The following PHACTR3 variants were observed in gnomAD, a reference collection of about 807,000 sequenced individuals.
PHACTR3 encodes the protein phosphatase and actin regulator 3.
A neutral mutation model predicts 66.8 loss-of-function variants in PHACTR3; 16 were observed. The observed-to-expected ratio is 0.24, with a 90% confidence interval of 0.16 to 0.36. The LOEUF is 0.36. PHACTR3 is among the 10% of genes least tolerant of loss of function. The pLI is 1.00. For synonymous variants in PHACTR3, 323 were observed against 292.1 expected (o/e 1.11, Z -1.08); for missense variants, 647 against 719.9 (o/e 0.90, Z 1.16).
chr20:59,623,029 C>T (rs530141131), intron 1 of PHACTR3, among the ~76,000 whole-genome samples: 1 of 90,940 alleles, frequency 1.1e-5, no homozygotes, highest in South Asian at 3.7e-4. Flanking sequence ...CACTCAGAAC[C>T]ATGGTTCCTG....
rs1192364212 is a variant in PHACTR3, at chr20:59,678,819, ACTC to A, written c.119-64279_119-64277del. ...GGCTGGGAGCACCTGGAGGGTAGGC[ACTC>A]CTCCTCCTTCTGCCGGACCAGAAGG... On this transcript the variant is annotated intron_variant, in intron 1 of 12. Coordinates refer to ENST00000371015, the MANE Select transcript of PHACTR3 (RefSeq NM_080672.5). Among the ~76,000 whole-genome samples the A allele has an allele frequency of 1.6e-4, 25 of 151,976 alleles. No homozygotes were observed. In the East Asian group the frequency reaches 4.6e-3, roughly 28 times the overall value.
At chr20:59,728,615 C>T (rs1436560092) in intron 1 of PHACTR3, among the ~76,000 whole-genome samples, 5 of 151,938 alleles carry the variant, frequency 3.3e-5, no homozygotes, top group African/African-American at 9.7e-5. Flanking sequence ...TTGATTTTTT[C>T]AAAAGTGACC....
At chr20:59,611,901 CTGA>C (rs2033862707) in intron 1 of PHACTR3, among the ~76,000 whole-genome samples, 3 of 152,190 alleles carry the variant, frequency 2.0e-5, no homozygotes, top group Non-Finnish European at 4.4e-5. Context: ...TTGTTTTACT[CTGA>C]TGAGTTTGTT....
chr20:59,676,490 T>C (rs1177588692), intron 1 of PHACTR3, among the ~76,000 whole-genome samples: 2 of 139,922 alleles, frequency 1.4e-5, no homozygotes, highest in African/African-American at 2.6e-5. Flanking sequence ...TCCTGCAACA[T>C]CTATATTTAA....
At chr20:59,644,742 C>T (rs1427020534) in intron 1 of PHACTR3, among the ~76,000 whole-genome samples, 1 of 152,234 alleles carries the variant, frequency 6.6e-6, no homozygotes. Flanking sequence ...CTCCCTGCAC[C>T]AGCCTGGTGG....
chr20:59,635,131 CTTT>C (rs2034811671), intron 1 of PHACTR3, among the ~76,000 whole-genome samples: 2 of 70,194 alleles, frequency 2.8e-5, no homozygotes, highest in Non-Finnish European at 5.6e-5. Flanking sequence ...TTCTTTCTTT[CTTT>C]CTTTCTTTCT....
At chr20:59,737,502 C>CTGTGTGCGTGCATGTGTGCGTGTATG (rs1280770121) in intron 1 of PHACTR3, among the ~76,000 whole-genome samples, 6 of 147,674 alleles carry the variant, frequency 4.1e-5, no homozygotes, top group African/African-American at 1.5e-4. Context: ...GTGTGTGTGT[C>CTGTGTGCGTGCATGTGTGCGTGTATG]TGTGTGCGTG....
chr20:59,791,771 G>A (rs1568826779), intron 7 of PHACTR3, among the ~76,000 whole-genome samples: 4 of 135,316 alleles, frequency 3.0e-5, no homozygotes, highest in Non-Finnish European at 6.1e-5. Flanking sequence ...GGTGTGTGAT[G>A]GTCCTGTTCC....
At chr20:59,774,150 C>T in intron 6 of PHACTR3, 93 bp from the exon 7 acceptor site, 1 of 1,476,876 alleles carries the variant, frequency 6.8e-7, no homozygotes, top group Non-Finnish European at 9.0e-7. Context: ...TTGGGGCTGC[C>T]TCTGTGATAT....
intron 1 of PHACTR3, chr20:59,628,653 C>T: frequency 3.0e-6 from 3 of 985,396 alleles, no homozygotes; most frequent in Non-Finnish European, 3.6e-6. Context: ...TCAGTTCATT[C>T]TCCTGACTCC....
At position 59,782,284 on chromosome 20, in the gene PHACTR3, C is replaced by T. The variant is rs144076920; in HGVS notation, c.1174+7794C>T. Among the ~76,000 whole-genome samples the T allele has an allele frequency of 7.0e-3, 1,061 of 152,154 alleles. 18 individuals are homozygous for T. Among genetic ancestry groups the T allele is most frequent in the African/African-American group, 0.024 (1,014 of 41,438 alleles). ...TTGTTTTTTCTAAGACAGAGTCTTG[C>T]TCTGTTGCCCAGGCTGGAGTATCGT... is the stretch of plus-strand genomic sequence containing the variant. On this transcript the variant is annotated intron_variant, in intron 7 of 12. Transcript: ENST00000371015.
At chr20:59,760,960 C>T (rs971383675) in intron 4 of PHACTR3, among the ~76,000 whole-genome samples, 19 of 152,054 alleles carry the variant, frequency 1.2e-4, no homozygotes, top group Admixed American at 1.1e-3. Context: ...AAGTCACTTT[C>T]CCAGGCCATA....
chr20:59,660,260 T>C (rs1181175484), intron 1 of PHACTR3, among the ~76,000 whole-genome samples: 3 of 152,180 alleles, frequency 2.0e-5, no homozygotes, highest in South Asian at 2.1e-4. Context: ...TTTGGGAGGC[T>C]GAGGTGGGCA....
chr20:59,767,948 TTCAG>T (rs2040237855), intron 5 of PHACTR3, among the ~76,000 whole-genome samples: 3 of 152,092 alleles, frequency 2.0e-5, no homozygotes, highest in Non-Finnish European at 4.4e-5. Context: ...CTCAGTCTCT[TTCAG>T]TCAGTCTCTC....
At chr20:59,593,493 T>G (rs2146315407) in intron 1 of PHACTR3, among the ~76,000 whole-genome samples, 1 of 152,306 alleles carries the variant, frequency 6.6e-6, no homozygotes, top group East Asian at 1.9e-4. Flanking sequence ...AAGTAGACTT[T>G]TTTTTTTAAT....
chr20:59,733,683 G>A (rs552071176), intron 1 of PHACTR3, among the ~76,000 whole-genome samples: 39 of 152,278 alleles, frequency 2.6e-4, no homozygotes, highest in African/African-American at 9.4e-4. Flanking sequence ...GCTCCACTCT[G>A]TCGCTAACTA....
intron 8 of PHACTR3, chr20:59,836,296 C>T: frequency 1.8e-6 from 1 of 559,890 alleles, no homozygotes; most frequent in Non-Finnish European, 3.1e-6. Context: ...CTAGTATTAG[C>T]TCTGTGACGG....
chr20:59,782,266 T>A (rs1048834904), intron 7 of PHACTR3, among the ~76,000 whole-genome samples: 1 of 152,216 alleles, frequency 6.6e-6, no homozygotes, highest in African/African-American at 2.4e-5. Flanking sequence ...GTTTTGTTTT[T>A]TCTAAGACAG....
In PHACTR3 at chr20:59,819,455, G is replaced by A. The variant is rs556056220; in HGVS notation, c.1328+13261G>A. 3.9e-5 allele frequency among the ~76,000 whole-genome samples: 6 copies of A among 151,998 alleles called. No homozygotes were observed. In the South Asian group the frequency reaches 1.0e-3, roughly 26 times the overall value. On this transcript the variant is annotated intron_variant, in intron 8 of 12. Coordinates refer to ENST00000371015, the MANE Select transcript of PHACTR3 (RefSeq NM_080672.5). Reference sequence around the variant, plus strand: ...GCTCAGGAGGGAGAGAGGATGGCTTGAGCCTAGGAGTTAGAGGCTGCAGTG... The same window carrying A: ...GCTCAGGAGGGAGAGAGGATGGCTTAAGCCTAGGAGTTAGAGGCTGCAGTG...
Sources: gnomAD v4.1 joint callset for allele counts (sites outside exome capture counted in the v4.1 genomes callset) on GRCh38, gnomAD v4.1.1 for gene constraint, MANE v1.5 for transcripts, NCBI Gene and HGNC (gene_info 2026-07-23, HGNC 2026-07-21) for gene names.